Variants in CDK14 observed in about 807,000 individuals in gnomAD.
The protein encoded by CDK14 is cyclin dependent kinase 14.
A neutral mutation model predicts 60.7 loss-of-function variants in CDK14; 34 were observed. The observed-to-expected ratio is 0.56, with a 90% CI of 0.43 to 0.75. CDK14 has a LOEUF of 0.75. Ranked by LOEUF, CDK14 falls within the 30% of genes least tolerant of loss-of-function variation. The probability of loss-of-function intolerance (pLI) is 0.00; values close to 1 mark genes in which losing one functional copy is unlikely to be tolerated. For synonymous variants in CDK14, 197 were observed against 203.7 expected, an observed-to-expected ratio of 0.97 and a Z score of 0.28; for missense variants, 482 against 564.1, an observed-to-expected ratio of 0.85 and a Z score of 1.47.
intron 2 of CDK14, among the ~76,000 whole-genome samples, chr7:90,706,614 G>A (rs1801902143): frequency 6.6e-6 from 1 of 152,154 alleles, no homozygotes; most frequent in South Asian, 2.1e-4. Context: ...GAAAGCCAGA[G>A]AAGGACTCTG....
intron 12 of CDK14, among the ~76,000 whole-genome samples, chr7:91,108,593 T>C (rs947728053): frequency 6.6e-6 from 1 of 152,212 alleles, no homozygotes; most frequent in Non-Finnish European, 1.5e-5. Context: ...TTAATAGTGG[T>C]GCCTGTATGG....
intron 10 of CDK14, among the ~76,000 whole-genome samples, chr7:91,010,116 A>G (rs1293693885): frequency 6.6e-6 from 1 of 152,120 alleles, no homozygotes; most frequent in Non-Finnish European, 1.5e-5. Flanking sequence ...ATAAGTATTC[A>G]TAGACTGTTT....
At chr7:90,655,805 A>G (rs1490099085) in intron 2 of CDK14, among the ~76,000 whole-genome samples, 1 of 152,178 alleles carries the variant, frequency 6.6e-6, no homozygotes, top group African/African-American at 2.4e-5. Context: ...GGGGTCTGAC[A>G]TCTTGTGAAT....
chr7:91,176,235 T>G (rs376060738), intron 14 of CDK14, among the ~76,000 whole-genome samples: 77 of 152,190 alleles, frequency 5.1e-4, no homozygotes, highest in Non-Finnish European at 9.0e-4. Flanking sequence ...AATGAAGGCA[T>G]AAATAAAGAT....
At chr7:90,939,594 C>A (rs1028851877) in intron 8 of CDK14, among the ~76,000 whole-genome samples, 2 of 152,200 alleles carry the variant, frequency 1.3e-5, no homozygotes, top group Non-Finnish European at 2.9e-5. Flanking sequence ...ACATTCATTG[C>A]ATTCATTTTA....
At chr7:90,845,316 C>G (rs975523114) in intron 5 of CDK14, among the ~76,000 whole-genome samples, 10 of 152,072 alleles carry the variant, frequency 6.6e-5, no homozygotes. Context: ...AGATATTACA[C>G]TATGTAAATC....
At chr7:90,754,098 ATGT>A (rs923443731) in intron 4 of CDK14, among the ~76,000 whole-genome samples, 7 of 152,332 alleles carry the variant, frequency 4.6e-5, no homozygotes, top group Admixed American at 1.3e-4. Flanking sequence ...CAAACTGCCA[ATGT>A]TGTTTTTCAC....
intron 14 of CDK14, among the ~76,000 whole-genome samples, chr7:91,177,123 G>C (rs1402485583): frequency 6.6e-6 from 1 of 151,108 alleles, no homozygotes; most frequent in Non-Finnish European, 1.5e-5. Flanking sequence ...GATCAAGTGG[G>C]CTTCATCCCT....
rs80047316 is a variant in CDK14, at chr7:90,652,498, T to C, written c.123+48249T>C. On this transcript the variant is annotated intron_variant, in intron 2 of 14. Coordinates refer to ENST00000380050, the MANE Select transcript of CDK14 (RefSeq NM_001287135.2). ...CACAGCTCTATATCAGGTAGGTGCA[T>C]TGAGGGATAGCAAAGGAGTAAAATG... is the stretch of plus-strand genomic sequence containing the variant. Among the ~76,000 whole-genome samples the C allele has an allele frequency of 2.4e-3, 373 of 152,312 alleles. 3 individuals carry two copies. Among genetic ancestry groups the C allele is most frequent in the East Asian group, 0.014 (71 of 5,190 alleles).
intron 4 of CDK14, among the ~76,000 whole-genome samples, chr7:90,770,911 T>C (rs1342040101): frequency 2.0e-5 from 3 of 152,214 alleles, no homozygotes; most frequent in Non-Finnish European, 2.9e-5. Context: ...GCGTCACCCT[T>C]GGCCCCCATC....
At chr7:90,775,040 T>C (rs1232227557) in intron 4 of CDK14, among the ~76,000 whole-genome samples, 1 of 152,160 alleles carries the variant, frequency 6.6e-6, no homozygotes, top group Non-Finnish European at 1.5e-5. Flanking sequence ...TTGGAGATGC[T>C]TTTTTCATGA....
At chr7:90,601,925 T>C (rs1315466677) in intron 1 of CDK14, among the ~76,000 whole-genome samples, 1 of 56,900 alleles carries the variant, frequency 1.8e-5, no homozygotes, top group African/African-American at 8.0e-5. Flanking sequence ...GCTAATTTTA[T>C]GTATGTATGT....
intron 5 of CDK14, among the ~76,000 whole-genome samples, chr7:90,832,938 G>A (rs1479888902): frequency 6.6e-6 from 1 of 152,172 alleles, no homozygotes; most frequent in Admixed American, 6.5e-5. Flanking sequence ...ACTGTCAGTG[G>A]TGTCTGCATG....
intron 2 of CDK14, among the ~76,000 whole-genome samples, chr7:90,638,942 A>T (rs1322285579): frequency 2.0e-5 from 3 of 151,934 alleles, no homozygotes; most frequent in Non-Finnish European, 4.4e-5. Context: ...AGGCTTCTGC[A>T]TTCTTCACGT....
intron 14 of CDK14, among the ~76,000 whole-genome samples, chr7:91,150,441 C>A (rs914970052): frequency 1.3e-5 from 2 of 150,662 alleles, no homozygotes; most frequent in Non-Finnish European, 3.0e-5. Context: ...TTTTTTTTTT[C>A]CAGATTGGTC....
intron 14 of CDK14, among the ~76,000 whole-genome samples, chr7:91,182,410 T>G (rs1802032977): frequency 6.6e-6 from 1 of 152,050 alleles, no homozygotes; most frequent in African/African-American, 2.4e-5. Flanking sequence ...CATTTTTTTG[T>G]TTAATAATAT....
chr7:90,937,756 G>T (rs868755241), intron 8 of CDK14, among the ~76,000 whole-genome samples: 15 of 152,194 alleles, frequency 9.9e-5, no homozygotes, highest in Non-Finnish European at 1.9e-4. Flanking sequence ...GATGTGGCTG[G>T]ATTTGGTTCA....
intron 5 of CDK14, among the ~76,000 whole-genome samples, chr7:90,853,406 G>A (rs766486488): frequency 4.6e-5 from 7 of 151,880 alleles, no homozygotes; most frequent in Admixed American, 3.3e-4. Flanking sequence ...GAAACCCAAG[G>A]AAGAAAAGAC....
intron 12 of CDK14, among the ~76,000 whole-genome samples, chr7:91,096,023 A>T (rs1300642442): frequency 7.4e-6 from 1 of 135,586 alleles, no homozygotes; most frequent in Non-Finnish European, 1.5e-5. Context: ...AATGATTAAA[A>T]TGGCAAATTT....
Sources: allele counts gnomAD v4.1 joint callset (sites outside exome capture counted in the v4.1 genomes callset), GRCh38; gene constraint gnomAD v4.1.1; transcripts MANE v1.5; gene names NCBI Gene and HGNC (gene_info 2026-07-23, HGNC 2026-07-21).